Variants in ROBO2 observed in about 807,000 individuals in gnomAD.
ROBO2 encodes roundabout guidance receptor 2.
In ROBO2, 53 loss-of-function variants were observed where a neutral mutation model predicts 160.8. That is an observed-to-expected ratio of 0.33 (90% confidence interval 0.26 to 0.41). The LOEUF is 0.41. Among genes scored for constraint, ROBO2 ranks in the 10% least tolerant of loss-of-function variants. The pLI is 1.00. For missense variants in ROBO2, 1,577 were observed against 1,722.4 expected (o/e 0.92, Z 1.49); for synonymous variants, 664 against 611.7 (o/e 1.09, Z -1.26).
chr3:76,205,000 T>C (rs1023207504), intron 2 of ROBO2, among the ~76,000 whole-genome samples: 1 of 152,194 alleles, frequency 6.6e-6, no homozygotes, highest in Admixed American at 6.5e-5. Context: ...TAAAAATCTT[T>C]ATTTGGAAAT....
intron 2 of ROBO2, among the ~76,000 whole-genome samples, chr3:76,560,342 C>T (rs1440442795): frequency 6.6e-6 from 1 of 151,908 alleles, no homozygotes; most frequent in Non-Finnish European, 1.5e-5. Flanking sequence ...GTTTTAAAGT[C>T]TCAGGTGATA....
Position 77,644,870 on chromosome 3 carries a change from C to A in ROBO2, c.4101C>A (p.Gly1367=), listed in dbSNP as rs751610238. The change falls in exon 25 of 26, where the codon GGC becomes GGA. Residue 1367 remains glycine, a synonymous_variant. Coordinates refer to ENST00000461745, the Ensembl canonical transcript of ROBO2. ...ACCTTCTTGACATAGGATATATGGG[C>A]TCCAACAGTCAAGGACAGTTTACAG... is the stretch of plus-strand genomic sequence containing the variant. 2.5e-6 allele frequency: 4 copies of A among 1,614,066 alleles called. No individual in the cohort carries two copies. In the South Asian group the frequency reaches 4.4e-5, roughly 18 times the overall value.
intron 2 of ROBO2, among the ~76,000 whole-genome samples, chr3:76,784,130 G>A (rs1249373447): frequency 6.6e-6 from 1 of 151,052 alleles, no homozygotes; most frequent in Non-Finnish European, 1.5e-5. Context: ...TCAGTCACTG[G>A]AGCTTTATTT....
At chr3:77,092,155 G>C (rs1041430521) in intron 1 of ROBO2, 1 of 149,040 alleles carries the variant, frequency 6.7e-6, no homozygotes, top group Non-Finnish European at 1.5e-5. Context: ...TGAAGAATTA[G>C]AAAAAAAAAA....
At chr3:77,627,197 A>T (rs1219007986) in intron 23 of ROBO2, among the ~76,000 whole-genome samples, 1 of 152,186 alleles carries the variant, frequency 6.6e-6, no homozygotes, top group Non-Finnish European at 1.5e-5. Context: ...TGAGTGAAAC[A>T]AGGTATCAAG....
At chr3:77,302,635 A>G (rs2062761228) in intron 2 of ROBO2, among the ~76,000 whole-genome samples, 9 of 152,226 alleles carry the variant, frequency 5.9e-5, no homozygotes, top group Admixed American at 5.9e-4. Flanking sequence ...CTTATTTAAC[A>G]TGTTCCAGCT....
intron 2 of ROBO2, among the ~76,000 whole-genome samples, chr3:76,115,692 C>A (rs1389318421): frequency 6.6e-6 from 1 of 152,024 alleles, no homozygotes; most frequent in African/African-American, 2.4e-5. Flanking sequence ...AAACAAACAT[C>A]AATTGTTTTC....
At chr3:76,973,702 G>A (rs2059680973) in intron 2 of ROBO2, among the ~76,000 whole-genome samples, 2 of 152,142 alleles carry the variant, frequency 1.3e-5, no homozygotes, top group Admixed American at 6.6e-5. Context: ...TAATTTCAGT[G>A]TAATAATGAA....
At chr3:77,455,605 T>C (rs1027460288) in intron 2 of ROBO2, among the ~76,000 whole-genome samples, 1 of 152,096 alleles carries the variant, frequency 6.6e-6, no homozygotes, top group African/African-American at 2.4e-5. Flanking sequence ...CTAATTTTTG[T>C]ATTTTTAGTA....
intron 2 of ROBO2, among the ~76,000 whole-genome samples, chr3:76,430,022 T>C (rs77299292): frequency 1.3e-5 from 2 of 152,224 alleles, no homozygotes; most frequent in East Asian, 1.9e-4. Context: ...AGTGAGCCTT[T>C]GTTCACTGCA....
intron 6 of ROBO2, among the ~76,000 whole-genome samples, chr3:77,538,675 A>G (rs1326029001): frequency 6.6e-6 from 1 of 152,178 alleles, no homozygotes; most frequent in Non-Finnish European, 1.5e-5. Flanking sequence ...TTCCAATATT[A>G]TTAACAGAAA....
intron 13 of ROBO2, among the ~76,000 whole-genome samples, chr3:77,570,586 G>T (rs2093613791): frequency 6.6e-6 from 1 of 151,810 alleles, no homozygotes; most frequent in Non-Finnish European, 1.5e-5. Context: ...ACGGCATATT[G>T]TTCTCTATGA....
intron 2 of ROBO2, among the ~76,000 whole-genome samples, chr3:77,448,808 G>C (rs2080840862): frequency 6.6e-6 from 1 of 151,490 alleles, no homozygotes; most frequent in Admixed American, 6.6e-5. Context: ...CTGGGCTTGA[G>C]ACCAACATTA....
intron 2 of ROBO2, among the ~76,000 whole-genome samples, chr3:76,610,202 A>T (rs866531901): frequency 1.2e-4 from 18 of 152,196 alleles, no homozygotes; most frequent in Admixed American, 6.5e-4. Context: ...TATCAAGATA[A>T]TACTAGCCTT....
chr3:76,510,826 G>T (rs1334507463), intron 2 of ROBO2, among the ~76,000 whole-genome samples: 2 of 152,148 alleles, frequency 1.3e-5, no homozygotes, highest in African/African-American at 4.8e-5. Flanking sequence ...TATATTGAAA[G>T]AATGGATTCT....
intron 2 of ROBO2, among the ~76,000 whole-genome samples, chr3:77,099,059 T>TTTTC (rs1216888182): frequency 2.2e-5 from 3 of 135,980 alleles, no homozygotes; most frequent in South Asian, 2.8e-4. Context: ...AAAATTGTAC[T>TTTTC]TTTCTTTCTT....
intron 2 of ROBO2, among the ~76,000 whole-genome samples, chr3:77,374,784 C>A (rs549857730): frequency 1.3e-5 from 2 of 152,308 alleles, no homozygotes; most frequent in African/African-American, 4.8e-5. Context: ...TTATAGAATT[C>A]TTTACTAATC....
At chr3:77,438,568 G>A (rs934539103) in intron 2 of ROBO2, among the ~76,000 whole-genome samples, 12 of 144,076 alleles carry the variant, frequency 8.3e-5, no homozygotes, top group East Asian at 6.1e-4. Flanking sequence ...ACACACACAC[G>A]CATATATGTG....
chr3:76,417,081 A>G (rs1415074749), intron 2 of ROBO2, among the ~76,000 whole-genome samples: 1 of 101,988 alleles, frequency 9.8e-6, no homozygotes, highest in Non-Finnish European at 2.1e-5. Context: ...AACACCTTTT[A>G]AAGATGTTGT....
Sources: allele counts gnomAD v4.1 joint callset (sites outside exome capture counted in the v4.1 genomes callset), GRCh38; gene constraint gnomAD v4.1.1; transcripts MANE v1.5; gene names NCBI Gene and HGNC (gene_info 2026-07-23, HGNC 2026-07-21).